IFI44L: variants seen among roughly 807,000 people sequenced by gnomAD.
The protein encoded by IFI44L is interferon induced protein 44 like, also known as interferon-induced protein 44-like.
In IFI44L, 40 loss-of-function variants were observed where a neutral mutation model predicts 39.3. The ratio of observed to expected loss-of-function variants is 1.02; its 90% CI spans 0.79 to 1.33. The LOEUF (loss-of-function observed/expected upper bound fraction) is 1.33, where lower values mean the gene tolerates loss of function less well. Ranked by LOEUF, IFI44L falls within the 40% of genes most tolerant of loss-of-function variation. The pLI, the probability that IFI44L is intolerant of heterozygous loss-of-function variation, is 0.00. For missense variants in IFI44L, 623 were observed against 549.0 expected (o/e 1.13, Z -1.35); for synonymous variants, 198 against 182.3 (o/e 1.09, Z -0.69).
intron 8 of IFI44L, 35 bp downstream of exon 8, chr1:78,641,644 A>G: frequency 6.2e-7 from 1 of 1,611,784 alleles, no homozygotes; most frequent in Non-Finnish European, 8.5e-7. Context: ...GTCATAGATC[A>G]CTGGTGCCTT....
chr1:78,634,839 T>C (rs1652880534), intron 4 of IFI44L, among the ~76,000 whole-genome samples: 1 of 151,746 alleles, frequency 6.6e-6, no homozygotes, highest in Non-Finnish European at 1.5e-5. Flanking sequence ...GTGGAGTGTT[T>C]TTTTTTTCTC....
intron 6 of IFI44L, 37 bp downstream of exon 6, chr1:78,637,240 A>C: frequency 2.8e-6 from 4 of 1,453,986 alleles, no homozygotes; most frequent in Non-Finnish European, 3.8e-6. Flanking sequence ...ATTTACTTTG[A>C]AATAATTATA....
chr1:78,640,449 AC>A (rs1312259697), intron 6 of IFI44L, among the ~76,000 whole-genome samples: 1 of 152,180 alleles, frequency 6.6e-6, no homozygotes, highest in East Asian at 1.9e-4. Flanking sequence ...GGAAGAAGGT[AC>A]TAAAAGCCCT....
intron 4 of IFI44L, among the ~76,000 whole-genome samples, chr1:78,631,968 T>C (rs1038853159): frequency 6.6e-6 from 1 of 152,158 alleles, no homozygotes; most frequent in African/African-American, 2.4e-5. Flanking sequence ...TGATGAATAG[T>C]AACAGTTATT....
At chr1:78,634,597 A>T (rs1652870974) in intron 4 of IFI44L, among the ~76,000 whole-genome samples, 1 of 152,160 alleles carries the variant, frequency 6.6e-6, no homozygotes, top group Non-Finnish European at 1.5e-5. Flanking sequence ...GAGTTTTTCA[A>T]GCTGAAAGAA....
At position 78,646,007 on chromosome 1, in the gene IFI44L, TGG is replaced by T. The variant is rs965959053; in HGVS notation, c.*4204_*4205del. 1.3e-5 allele frequency: 2 copies of T among 151,796 alleles called. No individual in the cohort carries two copies. The highest frequency in any genetic ancestry group is 6.6e-5 in the Admixed American group (1 of 15,230). 9.4% of individuals were successfully genotyped at this position (151,796 alleles called of 1,614,324 possible). ...AAAATTGAGGGCACAGGGGTGGAGG[TGG>T]GGGGGTTGAATAACAAGCTGTGCTA... On this transcript the variant is annotated 3_prime_UTR_variant, in exon 9 of 9. Coordinates refer to ENST00000370751, the MANE Select transcript of IFI44L (RefSeq NM_006820.4).
At chr1:78,623,756 G>A (rs1191347831) in intron 1 of IFI44L, among the ~76,000 whole-genome samples, 10 of 152,024 alleles carry the variant, frequency 6.6e-5, no homozygotes, top group Admixed American at 6.6e-4. Context: ...GAGAGCTGGA[G>A]GTGTAAGTCC....
chr1:78,632,918 A>G (rs559521908), intron 4 of IFI44L, among the ~76,000 whole-genome samples: 3 of 152,206 alleles, frequency 2.0e-5, no homozygotes, highest in Non-Finnish European at 4.4e-5. Flanking sequence ...CAGGTTTATA[A>G]TTGAATTTTT....
intron 2 of IFI44L, 98 bp downstream of exon 2, chr1:78,628,491 AAC>A: frequency 1.4e-6 from 1 of 738,248 alleles, no homozygotes; most frequent in South Asian, 1.8e-5. Flanking sequence ...AAGTGAAAGG[AAC>A]AGTTAGATTC....
rs139875914 is a variant in IFI44L, at chr1:78,635,430, G to A, written c.817G>A (p.Gly273Arg). The A allele has an allele frequency of 5.4e-5, 87 of 1,613,680 alleles. No homozygotes were observed. The highest frequency in any genetic ancestry group is 5.0e-4 in the Middle Eastern group (3 of 6,056). Residue 273 changes from glycine (G) to arginine (R), a missense_variant, in exon 5 of 9, where the codon GGA becomes AGA. Gly to Arg is a moderately radical substitution (Grantham distance 125, BLOSUM62 -2). Coordinates refer to ENST00000370751, the MANE Select transcript of IFI44L (RefSeq NM_006820.4). ...TMGLDGAEGA[G>R]LCMDDIPHIL... ...GGGGCTAGATGGGGCAGAAGGAGCA[G>A]GACTGTGCATGGATGACATTCCCCA...
chr1:78,627,747 G>T, intron 1 of IFI44L, 159 bp from the exon 2 acceptor site: 1 of 390,190 alleles, frequency 2.6e-6, no homozygotes, highest in Non-Finnish European at 4.5e-6. Flanking sequence ...TAACATTATT[G>T]TGCCATTTCT....
chr1:78,635,939 C>A (rs149131741), intron 5 of IFI44L: 1 of 162,502 alleles, frequency 6.2e-6, no homozygotes, highest in Non-Finnish European at 1.3e-5. Flanking sequence ...GATGTTTACC[C>A]GTAAGTTGCA....
intron 6 of IFI44L, 121 bp downstream of exon 6, chr1:78,637,324 C>T: frequency 1.5e-6 from 1 of 682,670 alleles, no homozygotes; most frequent in East Asian, 3.1e-5. Flanking sequence ...GGAGTGGTGG[C>T]CATCGGAGGG....
In IFI44L at chr1:78,628,224, A is replaced by G. The variant is rs770322711; in HGVS notation, c.309A>G (p.Thr103=). 4 of 1,612,814 alleles carry G rather than the reference A, an allele frequency of 2.5e-6. No homozygotes were observed. The highest frequency in any genetic ancestry group is 4.5e-5 in the East Asian group (2 of 44,738). Residue 103 remains threonine (T), a synonymous_variant, in exon 2 of 9, where the codon ACA becomes ACG. Coordinates refer to ENST00000370751, the MANE Select transcript of IFI44L (RefSeq NM_006820.4). ...TTEIETLLLN[T]APKIIDEQLV... ...AAATAGAAACTTTACTCTTAAATAC[A>G]GCACCAAAAATTATTGATGAGCAAC... is the stretch of plus-strand genomic sequence containing the variant.
At chr1:78,621,918 T>C (rs1336324325) in intron 1 of IFI44L, among the ~76,000 whole-genome samples, 2 of 152,294 alleles carry the variant, frequency 1.3e-5, no homozygotes, top group African/African-American at 4.8e-5. Context: ...GTATTTATTA[T>C]TTCCATGTGC....
rs575512854 is a variant in IFI44L, at chr1:78,643,516, G to A, written c.*1707G>A. 6.6e-6 allele frequency: 1 copy of A among 152,228 alleles called. No individual in the cohort carries two copies. Among genetic ancestry groups the A allele is most frequent in the South Asian group, 2.1e-4 (1 of 4,830 alleles). The allele number at this position is 152,228 out of a possible 1,614,324, so 9.4% of individuals were successfully genotyped here. ...ACCTCCCTGCTGAGTCTAAGTTTAG[G>A]ATTTTTAAGAGAAAGGCAGGTAAGG... On this transcript the variant is annotated 3_prime_UTR_variant, in exon 9 of 9. Transcript: ENST00000370751.
At position 78,628,075 on chromosome 1, in the gene IFI44L, G is replaced by A. The variant is rs1213107546; in HGVS notation, c.160G>A (p.Ala54Thr). ...CCGTCAGGGATGTACTATAACAATG[G>A]CTTACATTGATTACAATATGATTGT... ...CSRQGCTITM[A>T]YIDYNMIVAF... The change falls in exon 2 of 9, where the codon GCT becomes ACT. Residue 54 changes from alanine (A) to threonine (T), a missense_variant. Transcript: ENST00000370751. The A allele has an allele frequency of 6.2e-7, 1 of 1,613,006 alleles. No individual in the cohort carries two copies. Among genetic ancestry groups the A allele is most frequent in the Non-Finnish European group, 8.5e-7 (1 of 1,179,528 alleles).
chr1:78,622,345 T>G (rs1652307083), intron 1 of IFI44L, among the ~76,000 whole-genome samples: 1 of 152,190 alleles, frequency 6.6e-6, no homozygotes, highest in African/African-American at 2.4e-5. Flanking sequence ...GTTAGGTTGA[T>G]TCCATATCTT....
intron 4 of IFI44L, among the ~76,000 whole-genome samples, chr1:78,632,773 A>G (rs931449621): frequency 7.9e-5 from 12 of 152,234 alleles, no homozygotes; most frequent in African/African-American, 2.9e-4. Context: ...AATTGGAGCC[A>G]CATATGAGAT....
Sources: gnomAD v4.1 joint callset for allele counts (sites outside exome capture counted in the v4.1 genomes callset) on GRCh38, gnomAD v4.1.1 for gene constraint, MANE v1.5 for transcripts, NCBI Gene and HGNC (gene_info 2026-07-23, HGNC 2026-07-21) for gene names.